Variants in TRPV5 observed in about 807,000 individuals in gnomAD.
The protein encoded by TRPV5 is calcium transport protein 2.
A neutral mutation model predicts 74.1 loss-of-function variants in TRPV5; 66 were observed. The ratio of observed to expected loss-of-function variants is 0.89; its 90% CI spans 0.73 to 1.09. The LOEUF is 1.09. TRPV5 is among the 50% of genes least tolerant of loss of function. The probability of loss-of-function intolerance (pLI) is 0.00; values close to 1 mark genes in which losing one functional copy is unlikely to be tolerated. For synonymous variants in TRPV5, 399 were observed against 360.7 expected (o/e 1.11, Z -1.20); for missense variants, 936 against 930.4 (o/e 1.01, Z -0.08).
chr7:142,908,729 C>T lies in TRPV5; in HGVS notation c.1975G>A (p.Asp659Asn). Residue 659 changes from aspartate (D) to asparagine (N), a missense_variant, in exon 15 of 15, where the codon GAC becomes AAC. Coordinates refer to ENST00000265310, the MANE Select transcript of TRPV5 (RefSeq NM_019841.7). ...EVFKNSDKEDDQEHPSEKQPS... is the reference protein window; with the variant it reads ...EVFKNSDKEDNQEHPSEKQPS... ...TGTTTCTCAGATGGATGCTCCTGGT[C>T]ATCCTCCTTGTCTGAGTTCTTGAAC... is the stretch of plus-strand genomic sequence containing the variant. 1 of 1,614,204 alleles carries T rather than the reference C, an allele frequency of 6.2e-7. No homozygotes were observed. Among genetic ancestry groups the T allele is most frequent in the African/African-American group, 1.3e-5 (1 of 75,058 alleles).
At chr7:142,927,607 AAG>A (rs1478024554) in intron 7 of TRPV5, among the ~76,000 whole-genome samples, 1 of 152,130 alleles carries the variant, frequency 6.6e-6, no homozygotes, top group Non-Finnish European at 1.5e-5. Flanking sequence ...GAGCAGGAGG[AAG>A]AGAGAGCAGG....
intron 12 of TRPV5, among the ~76,000 whole-genome samples, chr7:142,913,558 T>C (rs972199741): frequency 5.3e-5 from 8 of 152,196 alleles, no homozygotes; most frequent in African/African-American, 1.7e-4. Flanking sequence ...TAGATGTAGA[T>C]GGCCAGGGAG....
Position 142,908,382 on chromosome 7 carries a change from A to C in TRPV5, c.*132T>G. The C allele has an allele frequency of 2.1e-6, 2 of 967,476 alleles. No individual in the cohort carries two copies. The highest frequency in any genetic ancestry group is 3.1e-6 in the Non-Finnish European group (2 of 646,004). The allele number at this position is 967,476 out of a possible 1,614,324, so 59.9% of individuals were successfully genotyped here. The stretch of plus-strand genomic sequence containing the variant: ...TGTGAAGTGTGAGGCATGACCCTTT[A>C]GGGATTGTTCTGTCTCACCCTCCCA... On this transcript the variant is annotated 3_prime_UTR_variant, in exon 15 of 15. Transcript: ENST00000265310.
At chr7:142,924,308 ATATACACACATATACATG>A (rs1795939625) in intron 8 of TRPV5, among the ~76,000 whole-genome samples, 362 of 31,606 alleles carry the variant, frequency 0.011, 13 homozygotes, top group African/African-American at 0.018. Context: ...ATACATATAT[ATATACACACATATACATG>A]TATATATATA....
At chr7:142,924,961 T>C (rs1197486589) in intron 8 of TRPV5, 1 of 159,932 alleles carries the variant, frequency 6.3e-6, no homozygotes, top group Non-Finnish European at 1.4e-5. Context: ...CAACACAGAA[T>C]GGCAGGCCCA....
Position 142,930,571 on chromosome 7 carries a change from A to G in TRPV5, c.129-125T>C, listed in dbSNP as rs898012242. On this transcript the variant is annotated intron_variant, in intron 1 of 14. Coordinates refer to ENST00000265310, the MANE Select transcript of TRPV5 (RefSeq NM_019841.7). ...CACAGCGTGCAGTGACAAATTGGAAAGAAGTGCCTACTGGACTCGAATGAC... is the reference window on the plus strand; with the variant it reads ...CACAGCGTGCAGTGACAAATTGGAAGGAAGTGCCTACTGGACTCGAATGAC... 5 of 754,012 alleles carry G rather than the reference A, an allele frequency of 6.6e-6. No individual in the cohort carries two copies. In the African/African-American group the frequency reaches 8.6e-5, roughly 13 times the overall value. The allele number at this position is 754,012 out of a possible 1,614,324, so 46.7% of individuals were successfully genotyped here.
chr7:142,925,172 C>T (rs1335134330), intron 8 of TRPV5: 1 of 477,170 alleles, frequency 2.1e-6, no homozygotes, highest in Non-Finnish European at 3.7e-6. Flanking sequence ...CAGAAATGGA[C>T]TTGGAGCACA....
chr7:142,924,932 A>T (rs1294657241), intron 8 of TRPV5: 1 of 157,392 alleles, frequency 6.4e-6, no homozygotes, highest in Non-Finnish European at 1.4e-5. Context: ...TCCTAACCCT[A>T]GTTTTCCCTT....
At chr7:142,916,391 G>A (rs1023371898) in intron 8 of TRPV5, among the ~76,000 whole-genome samples, 4 of 152,218 alleles carry the variant, frequency 2.6e-5, no homozygotes, top group Non-Finnish European at 4.4e-5. Flanking sequence ...TATCACAGAT[G>A]TAGTGCTAGA....
In TRPV5 at chr7:142,917,511, C is replaced by T. The variant is rs1278536386; in HGVS notation, c.1123-1943G>A. Reference sequence around the variant, plus strand: ...CCCCTAGAATCCAGCCAGGGAGTCACAGCAGCCATTCCTTCAGGAGATGAA... The same window carrying T: ...CCCCTAGAATCCAGCCAGGGAGTCATAGCAGCCATTCCTTCAGGAGATGAA... On this transcript the variant is annotated intron_variant, in intron 8 of 14. Transcript: ENST00000265310. 3.9e-5 allele frequency among the ~76,000 whole-genome samples: 6 copies of T among 152,310 alleles called. No individual in the cohort carries two copies. The East Asian group carries it at 1.2e-3, about 29-fold the overall frequency.
At position 142,911,543 on chromosome 7, in the gene TRPV5, T is replaced by A. The variant is rs545237450; in HGVS notation, c.1788+939A>T. 5.9e-5 allele frequency among the ~76,000 whole-genome samples: 9 copies of A among 152,334 alleles called. No homozygotes were observed. In the South Asian group the frequency reaches 1.9e-3, roughly 32 times the overall value. ...TTCACTTCCCAGTCCGATTCCTCTG[T>A]TGTATCCTCCTCTTAGCACCTTACA... On this transcript the variant is annotated intron_variant, in intron 13 of 14. Transcript: ENST00000265310.
chr7:142,915,260 A>T, intron 10 of TRPV5, 47 bp downstream of exon 10: 1 of 1,601,434 alleles, frequency 6.2e-7, no homozygotes, highest in Non-Finnish European at 8.5e-7. Flanking sequence ...AGACAGGAAA[A>T]GATTCTGGTA....
At chr7:142,925,425 G>C in intron 8 of TRPV5, 104 bp downstream of exon 8, 2 of 1,254,274 alleles carry the variant, frequency 1.6e-6, no homozygotes, top group African/African-American at 1.5e-5. Context: ...GCCTACACCT[G>C]CTGGAACCCA....
In TRPV5 at chr7:142,915,359, C is replaced by T. The variant is rs756480258; in HGVS notation, c.1234G>A (p.Ala412Thr). ...LEIPDIFRVG[A>T]SRYFGKTILG... ...ATCGTCTTTCCAAAATAGCGAGAGG[C>T]ACCAACCCTGAAGATGTCTGGAATC... The change falls in exon 10 of 15, where the codon GCC (alanine) becomes ACC (threonine). Residue 412 changes from alanine (A) to threonine (T), a missense_variant. Ala to Thr is a moderately conservative substitution (Grantham distance 58). Transcript: ENST00000265310. 7.5e-6 allele frequency: 12 copies of T among 1,607,682 alleles called. No individual in the cohort carries two copies. Among genetic ancestry groups the T allele is most frequent in the African/African-American group, 1.3e-5 (1 of 74,394 alleles).
At chr7:142,921,604 T>C (rs974518200) in intron 8 of TRPV5, among the ~76,000 whole-genome samples, 2 of 152,134 alleles carry the variant, frequency 1.3e-5, no homozygotes, top group Non-Finnish European at 2.9e-5. Flanking sequence ...CTTGCTAAAC[T>C]GTAATAGCCT....
At chr7:142,922,780 C>T (rs975854482) in intron 8 of TRPV5, among the ~76,000 whole-genome samples, 7 of 152,158 alleles carry the variant, frequency 4.6e-5, no homozygotes, top group Non-Finnish European at 2.9e-5. Context: ...GTGCATGCTG[C>T]TCTGCCTAAA....
At chr7:142,923,234 C>A (rs1332637170) in intron 8 of TRPV5, among the ~76,000 whole-genome samples, 1 of 152,084 alleles carries the variant, frequency 6.6e-6, no homozygotes, top group African/African-American at 2.4e-5. Context: ...AATATGTCAA[C>A]AATTGCATGA....
rs751330845 is a variant in TRPV5 at position 142,928,910 on chromosome 7, C to T, written c.587-44G>A. ...ATCATGTGGCCACTGGCCTAAAGTC[C>T]CTGATGTCCCCATCCCCACTCTGGG... On this transcript the variant is annotated intron_variant, in intron 5 of 14. Coordinates refer to ENST00000265310, the MANE Select transcript of TRPV5 (RefSeq NM_019841.7). 5.6e-6 allele frequency: 9 copies of T among 1,611,920 alleles called. No homozygotes were observed. The African/African-American group carries it at 1.2e-4, about 22-fold the overall frequency.
intron 5 of TRPV5, 23 bp downstream of exon 5, chr7:142,928,999 C>T (rs748484870): frequency 1.2e-6 from 2 of 1,613,712 alleles, no homozygotes; most frequent in African/African-American, 1.3e-5. Flanking sequence ...CATCCCAGCT[C>T]CCCTCCCCAT....
Sources: gnomAD v4.1 joint callset for allele counts (sites outside exome capture counted in the v4.1 genomes callset) on GRCh38, gnomAD v4.1.1 for gene constraint, MANE v1.5 for transcripts, NCBI Gene and HGNC (gene_info 2026-07-23, HGNC 2026-07-21) for gene names.